LGSN: variants seen among roughly 807,000 people sequenced by gnomAD.
LGSN encodes the protein lengsin.
LGSN carries 21 observed loss-of-function variants against 19.5 expected under a neutral mutation model. That is an observed-to-expected ratio of 1.07 (90% confidence interval 0.76 to 1.55). The LOEUF (loss-of-function observed/expected upper bound fraction) is 1.55, where lower values mean the gene tolerates loss of function less well. Ranked by LOEUF, LGSN falls within the 40% of genes most tolerant of loss-of-function variation. LGSN has a pLI of 0.00. For missense variants in LGSN, 673 were observed against 608.5 expected, an observed-to-expected ratio of 1.11 and a Z score of -1.12; for synonymous variants, 257 against 215.6, an observed-to-expected ratio of 1.19 and a Z score of -1.68.
chr6:63,505,577 G>GAC, the LGSN span, among the ~76,000 whole-genome samples: 1 of 18,192 alleles, frequency 5.5e-5, no homozygotes, highest in African/African-American at 2.5e-4. Flanking sequence ...AAGAAAGAAA[G>GAC]AAAGAAAGAA....
chr6:63,294,032 A>G (rs1434039724), intron 2 of LGSN, among the ~76,000 whole-genome samples: 1 of 152,164 alleles, frequency 6.6e-6, no homozygotes, highest in Non-Finnish European at 1.5e-5. Flanking sequence ...TTGTTTATAG[A>G]GAATTTAAAA....
At chr6:63,447,046 T>C in the LGSN span, among the ~76,000 whole-genome samples, 3 of 152,194 alleles carry the variant, frequency 2.0e-5, no homozygotes, top group Non-Finnish European at 4.4e-5. Context: ...TGAAACTCCG[T>C]CTCAAAAAAA....
chr6:63,549,032 G>A, the LGSN span: 21 of 727,172 alleles, frequency 2.9e-5, no homozygotes, highest in African/African-American at 1.7e-4. Flanking sequence ...GATCCACGTC[G>A]TGTGCAATCA....
the LGSN span, among the ~76,000 whole-genome samples, chr6:63,498,630 A>C: frequency 6.6e-6 from 1 of 152,114 alleles, no homozygotes; most frequent in African/African-American, 2.4e-5. Flanking sequence ...CATGTTATCA[A>C]AGGTAGTGGA....
At chr6:63,339,598 T>C in the LGSN span, among the ~76,000 whole-genome samples, 1 of 152,190 alleles carries the variant, frequency 6.6e-6, no homozygotes, top group African/African-American at 2.4e-5. Flanking sequence ...GTAGGTATCA[T>C]ATAGTTCAGT....
At chr6:63,555,980 C>G in the LGSN span, among the ~76,000 whole-genome samples, 1 of 151,978 alleles carries the variant, frequency 6.6e-6, no homozygotes, top group Non-Finnish European at 1.5e-5. Flanking sequence ...AGTGAGCCAC[C>G]GTACCTGGCC....
At chr6:63,496,003 C>T in the LGSN span, among the ~76,000 whole-genome samples, 7 of 151,532 alleles carry the variant, frequency 4.6e-5, no homozygotes, top group South Asian at 2.1e-4. Context: ...CTTGGCTTAC[C>T]GCAACCTCTG....
chr6:63,391,553 A>T, the LGSN span, among the ~76,000 whole-genome samples: 1 of 152,090 alleles, frequency 6.6e-6, no homozygotes, highest in South Asian at 2.1e-4. Context: ...TCTCCACCTC[A>T]AGGTCTGTGT....
the LGSN span, among the ~76,000 whole-genome samples, chr6:63,420,393 G>C: frequency 6.6e-6 from 1 of 152,176 alleles, no homozygotes; most frequent in Non-Finnish European, 1.5e-5. Flanking sequence ...AGAGGAGTCA[G>C]CACTTTCTCC....
At chr6:63,445,302 C>A in the LGSN span, among the ~76,000 whole-genome samples, 1 of 151,884 alleles carries the variant, frequency 6.6e-6, no homozygotes, top group Non-Finnish European at 1.5e-5. Flanking sequence ...CAGAGGGAGA[C>A]TCCGTCTCAA....
the LGSN span, among the ~76,000 whole-genome samples, chr6:63,374,576 T>C: frequency 6.6e-6 from 1 of 152,218 alleles, no homozygotes; most frequent in Non-Finnish European, 1.5e-5. Context: ...ATTTGAACAA[T>C]GATCCTCCCA....
At chr6:63,402,206 CT>C in the LGSN span, among the ~76,000 whole-genome samples, 1 of 152,098 alleles carries the variant, frequency 6.6e-6, no homozygotes, top group Admixed American at 6.5e-5. Context: ...ACCATTGAGC[CT>C]GTTGAACATA....
chr6:63,299,546 G>T (rs181404309), intron 1 of LGSN, among the ~76,000 whole-genome samples: 1 of 152,090 alleles, frequency 6.6e-6, no homozygotes, highest in Admixed American at 6.5e-5. Context: ...AAATTTTAGG[G>T]TTTTCTAGCT....
the LGSN span, chr6:63,549,516 G>A: frequency 1.3e-4 from 89 of 684,180 alleles, no homozygotes; most frequent in Middle Eastern, 2.0e-3. Flanking sequence ...CAGGAGGAGA[G>A]AGCCTGATTT....
chr6:63,503,651 A>G, the LGSN span, among the ~76,000 whole-genome samples: 7 of 152,354 alleles, frequency 4.6e-5, no homozygotes, highest in East Asian at 9.6e-4. Flanking sequence ...ACAGCGGCTC[A>G]TGCCTGTAAT....
the LGSN span, among the ~76,000 whole-genome samples, chr6:63,438,378 T>C: frequency 1.3e-5 from 2 of 152,166 alleles, no homozygotes; most frequent in East Asian, 1.9e-4. Flanking sequence ...CTAAAGAGCT[T>C]CTGCACAGTA....
At chr6:63,481,902 A>C in the LGSN span, 5 of 210,632 alleles carry the variant, frequency 2.4e-5, no homozygotes, top group Admixed American at 8.8e-5. Flanking sequence ...GGATCACTGC[A>C]CTTAAATAAA....
the LGSN span, among the ~76,000 whole-genome samples, chr6:63,427,753 CT>C: frequency 8.5e-5 from 13 of 152,282 alleles, no homozygotes; most frequent in African/African-American, 3.1e-4. Flanking sequence ...ACGCTGTCTT[CT>C]TGTGACCAGA....
the LGSN span, among the ~76,000 whole-genome samples, chr6:63,537,228 C>T: frequency 6.6e-6 from 1 of 152,090 alleles, no homozygotes; most frequent in Non-Finnish European, 1.5e-5. Flanking sequence ...AAATGTGGTT[C>T]CTGGACCAAT....
Sources: gnomAD v4.1 joint callset for allele counts (sites outside exome capture counted in the v4.1 genomes callset) on GRCh38, gnomAD v4.1.1 for gene constraint, MANE v1.5 for transcripts, NCBI Gene and HGNC (gene_info 2026-07-23, HGNC 2026-07-21) for gene names.